The following GABRB2 variants were observed in gnomAD, a reference collection of about 807,000 sequenced individuals.
The protein encoded by GABRB2 is gamma-aminobutyric acid type A receptor subunit beta2.
Under a neutral mutation model 54.7 loss-of-function variants are expected in GABRB2, and 16 were observed. The ratio of observed to expected loss-of-function variants is 0.29; its 90% CI spans 0.20 to 0.44. GABRB2 has a LOEUF of 0.44. Ranked by LOEUF, GABRB2 falls within the 20% of genes least tolerant of loss-of-function variation. The pLI is 1.00. For synonymous variants in GABRB2, 244 were observed against 233.8 expected, an observed-to-expected ratio of 1.04 and a Z score of -0.40; for missense variants, 355 against 644.0, an observed-to-expected ratio of 0.55 and a Z score of 4.86.
At chr5:161,446,678 A>G (rs1288853847) in intron 4 of GABRB2, among the ~76,000 whole-genome samples, 7 of 152,058 alleles carry the variant, frequency 4.6e-5, no homozygotes, top group African/African-American at 1.4e-4. Flanking sequence ...ATGATTTATT[A>G]TTTACTTTTG....
chr5:161,470,484 G>A (rs149020399), intron 3 of GABRB2, among the ~76,000 whole-genome samples: 92 of 152,076 alleles, frequency 6.0e-4, no homozygotes, highest in African/African-American at 2.1e-3. Flanking sequence ...TATGCCAGAA[G>A]CTTTTCTCTT....
chr5:161,365,745 G>A (rs1016054925), intron 5 of GABRB2, among the ~76,000 whole-genome samples: 21 of 152,102 alleles, frequency 1.4e-4, no homozygotes, highest in African/African-American at 4.8e-4. Context: ...TATCTCCAAA[G>A]CATGTTTAAA....
intron 5 of GABRB2, among the ~76,000 whole-genome samples, chr5:161,407,705 T>G (rs1336378570): frequency 6.6e-6 from 1 of 151,960 alleles, no homozygotes; most frequent in Non-Finnish European, 1.5e-5. Flanking sequence ...ATAAACACAA[T>G]GCATTCTATG....
chr5:161,410,804 G>C (rs1219928749), intron 5 of GABRB2, among the ~76,000 whole-genome samples, 171 bp downstream of exon 5: 1 of 152,134 alleles, frequency 6.6e-6, no homozygotes, highest in East Asian at 1.9e-4. Flanking sequence ...AGACTAAGAG[G>C]GTGGCAGCAT....
At chr5:161,537,296 T>C (rs1417408966) in intron 3 of GABRB2, among the ~76,000 whole-genome samples, 3 of 152,236 alleles carry the variant, frequency 2.0e-5, no homozygotes, top group South Asian at 2.1e-4. Flanking sequence ...ACCACTTATA[T>C]GCTGACAATG....
chr5:161,400,948 A>C (rs533986496), intron 5 of GABRB2, among the ~76,000 whole-genome samples: 20 of 152,274 alleles, frequency 1.3e-4, no homozygotes, highest in African/African-American at 4.8e-4. Context: ...ACAGGGTAAA[A>C]ATGTAATAGG....
chr5:161,522,977 TTTA>T (rs1176728661), intron 3 of GABRB2, among the ~76,000 whole-genome samples: 1 of 151,442 alleles, frequency 6.6e-6, no homozygotes, highest in Non-Finnish European at 1.5e-5. Flanking sequence ...ATAGATATAA[TTTA>T]TTGAGTTTTA....
chr5:161,331,904 G>A (rs1211333048), intron 7 of GABRB2, among the ~76,000 whole-genome samples: 1 of 151,916 alleles, frequency 6.6e-6, no homozygotes, highest in African/African-American at 2.4e-5. Context: ...GGTGGCTCAC[G>A]CTTGTAATCC....
chr5:161,365,266 C>T (rs1057514577), intron 5 of GABRB2, among the ~76,000 whole-genome samples: 3 of 152,076 alleles, frequency 2.0e-5, no homozygotes, highest in Non-Finnish European at 4.4e-5. Flanking sequence ...AAGCATGAGG[C>T]CCAGATGAAA....
chr5:161,521,368 G>A (rs1170123006), intron 3 of GABRB2, among the ~76,000 whole-genome samples: 1 of 151,826 alleles, frequency 6.6e-6, no homozygotes, highest in Non-Finnish European at 1.5e-5. Context: ...TGTAGAATCA[G>A]AATTCTAGTT....
At chr5:161,311,164 T>C (rs1309175226) in intron 9 of GABRB2, among the ~76,000 whole-genome samples, 2 of 152,188 alleles carry the variant, frequency 1.3e-5, no homozygotes, top group African/African-American at 4.8e-5. Flanking sequence ...ACCATTAGAA[T>C]ATATTTGACA....
intron 5 of GABRB2, among the ~76,000 whole-genome samples, chr5:161,403,284 T>C (rs1756256882): frequency 6.6e-6 from 1 of 152,080 alleles, no homozygotes; most frequent in South Asian, 2.1e-4. Flanking sequence ...AGTGAAATAA[T>C]CTGAAGTGCA....
chr5:161,534,212 C>A (rs1173657687), intron 3 of GABRB2, among the ~76,000 whole-genome samples: 2 of 152,092 alleles, frequency 1.3e-5, no homozygotes, highest in Non-Finnish European at 2.9e-5. Context: ...TGGTTTTCAC[C>A]ATTTCAGGGA....
intron 3 of GABRB2, among the ~76,000 whole-genome samples, chr5:161,526,845 T>C (rs1006032568): frequency 1.3e-5 from 2 of 151,418 alleles, no homozygotes; most frequent in Non-Finnish European, 3.0e-5. Flanking sequence ...TGGAGAAAAC[T>C]AAAATTTTAC....
chr5:161,518,885 G>A (rs946076902), intron 3 of GABRB2, among the ~76,000 whole-genome samples: 7 of 152,172 alleles, frequency 4.6e-5, no homozygotes, highest in African/African-American at 1.7e-4. Flanking sequence ...GTTATGCTTA[G>A]ATATTAAATT....
intron 2 of GABRB2, among the ~76,000 whole-genome samples, chr5:161,545,814 C>A (rs1471127824): frequency 6.6e-6 from 1 of 152,156 alleles, no homozygotes; most frequent in Non-Finnish European, 1.5e-5. Context: ...CTCCCATCCC[C>A]CAGTCCTCCC....
intron 4 of GABRB2, among the ~76,000 whole-genome samples, chr5:161,431,930 T>C (rs951810526): frequency 6.6e-6 from 1 of 152,216 alleles, no homozygotes; most frequent in African/African-American, 2.4e-5. Flanking sequence ...TCAATAAAAC[T>C]TTCCAGAATA....
At chr5:161,426,739 T>C (rs1384644753) in intron 4 of GABRB2, among the ~76,000 whole-genome samples, 4 of 152,050 alleles carry the variant, frequency 2.6e-5, no homozygotes, top group Non-Finnish European at 5.9e-5. Flanking sequence ...GAAAAGGGTA[T>C]AAATACTCAT....
chr5:161,531,555 C>T (rs1310207223), intron 3 of GABRB2, among the ~76,000 whole-genome samples: 2 of 151,954 alleles, frequency 1.3e-5, no homozygotes, highest in South Asian at 2.1e-4. Context: ...GAGGTTTAGA[C>T]TCTAGAGGTT....
Sources: gnomAD v4.1 joint callset for allele counts (sites outside exome capture counted in the v4.1 genomes callset) on GRCh38, gnomAD v4.1.1 for gene constraint, MANE v1.5 for transcripts, NCBI Gene and HGNC (gene_info 2026-07-23, HGNC 2026-07-21) for gene names.